Variants in CCDC178 observed in about 807,000 individuals in gnomAD.
The protein encoded by CCDC178 is coiled-coil domain containing 178.
Under a neutral mutation model 117.4 loss-of-function variants are expected in CCDC178, and 126 were observed. The ratio of observed to expected loss-of-function variants is 1.07; its 90% CI spans 0.93 to 1.24. The LOEUF is 1.24. Among genes scored for constraint, CCDC178 ranks in the 50% most tolerant of loss-of-function variants. CCDC178 has a pLI of 0.00. For synonymous variants in CCDC178, 283 were observed against 313.4 expected, an observed-to-expected ratio of 0.90 and a Z score of 1.02; for missense variants, 1,030 against 986.9, an observed-to-expected ratio of 1.04 and a Z score of -0.59.
At position 33,281,710 on chromosome 18, in the gene CCDC178, A is replaced by G. The variant is rs148254768; in HGVS notation, c.1176+11449T>C. Among the ~76,000 whole-genome samples, 15 of 152,346 alleles carry G rather than the reference A, an allele frequency of 9.8e-5. No individual in the cohort carries two copies. In the East Asian group the frequency reaches 2.5e-3, roughly 25 times the overall value. The stretch of plus-strand genomic sequence containing the variant: ...TTGGAAAATGTGAAAATACTGGCAA[A>G]TTATTTAAGCTTTGGCAGAATGCTA... On this transcript the variant is annotated intron_variant, in intron 12 of 22. Transcript: ENST00000383096.
chr18:33,183,981 C>T (rs1765750096), intron 20 of CCDC178, among the ~76,000 whole-genome samples: 1 of 152,028 alleles, frequency 6.6e-6, no homozygotes, highest in Non-Finnish European at 1.5e-5. Flanking sequence ...TGTTCTCTAT[C>T]TATGTTTACT....
intron 20 of CCDC178, among the ~76,000 whole-genome samples, chr18:33,179,157 T>C (rs1350723647): frequency 3.6e-5 from 4 of 111,952 alleles, no homozygotes; most frequent in Non-Finnish European, 7.2e-5. Context: ...TATATATATA[T>C]AAACTATATA....
chr18:33,341,659 G>C (rs2062818460), intron 9 of CCDC178, among the ~76,000 whole-genome samples: 1 of 152,058 alleles, frequency 6.6e-6, no homozygotes, highest in Non-Finnish European at 1.5e-5. Flanking sequence ...GGTTTATCAG[G>C]GGTTTTTCCA....
chr18:33,052,424 T>C (rs1414233824), intron 21 of CCDC178, among the ~76,000 whole-genome samples: 2 of 152,206 alleles, frequency 1.3e-5, no homozygotes, highest in African/African-American at 4.8e-5. Context: ...TTAAGTTATA[T>C]GATAACAATT....
At chr18:33,027,490 C>T (rs2056252510) in intron 21 of CCDC178, among the ~76,000 whole-genome samples, 1 of 151,256 alleles carries the variant, frequency 6.6e-6, no homozygotes, top group African/African-American at 2.4e-5. Flanking sequence ...CTGCCACATA[C>T]AAAAACAAAT....
At chr18:33,302,417 G>GGGAA (rs2062188699) in intron 11 of CCDC178, among the ~76,000 whole-genome samples, 2 of 152,188 alleles carry the variant, frequency 1.3e-5, no homozygotes, top group Admixed American at 1.3e-4. Flanking sequence ...CACTGCTGGT[G>GGGAA]GGAATGTAAA....
chr18:33,351,148 A>ATGTG (rs143702049), intron 7 of CCDC178, among the ~76,000 whole-genome samples: 49,645 of 137,676 alleles, frequency 0.36, 8,773 homozygotes, highest in East Asian at 0.45. Context: ...ACTGATCATG[A>ATGTG]TGTGTGTGTG....
At chr18:33,224,710 C>T in intron 17 of CCDC178, 65 bp downstream of exon 17, 1 of 1,040,860 alleles carries the variant, frequency 9.6e-7, no homozygotes, top group Middle Eastern at 3.1e-4. Context: ...AATGTAAAAT[C>T]ACATGCGTAA....
At chr18:33,013,151 A>ACT (rs2055907939) in intron 21 of CCDC178, among the ~76,000 whole-genome samples, 1 of 152,092 alleles carries the variant, frequency 6.6e-6, no homozygotes, top group Non-Finnish European at 1.5e-5. Context: ...GCTTAATTTT[A>ACT]CTCCCACCAA....
intron 2 of CCDC178, among the ~76,000 whole-genome samples, chr18:33,419,674 A>G (rs2063997319): frequency 6.6e-6 from 1 of 152,248 alleles, no homozygotes; most frequent in Admixed American, 6.5e-5. Context: ...GCCAACAGGT[A>G]TATCAAAAAA....
chr18:33,195,693 T>G (rs760451896), intron 20 of CCDC178, among the ~76,000 whole-genome samples: 41 of 152,216 alleles, frequency 2.7e-4, no homozygotes, highest in Non-Finnish European at 4.9e-4. Flanking sequence ...AAAAGTCAGG[T>G]ATCTGCTATT....
At chr18:33,312,098 G>C (rs2062351948) in intron 11 of CCDC178, among the ~76,000 whole-genome samples, 1 of 152,106 alleles carries the variant, frequency 6.6e-6, no homozygotes, top group Non-Finnish European at 1.5e-5. Flanking sequence ...ATTTGTACAA[G>C]ATTTTAAGGC....
chr18:33,000,199 A>T (rs1244090876), intron 21 of CCDC178, among the ~76,000 whole-genome samples: 1 of 152,072 alleles, frequency 6.6e-6, no homozygotes, highest in Non-Finnish European at 1.5e-5. Flanking sequence ...TGCAACTGAT[A>T]TACTAAAGAA....
intron 20 of CCDC178, among the ~76,000 whole-genome samples, chr18:33,143,813 C>T (rs1555650331): frequency 6.6e-6 from 1 of 152,042 alleles, no homozygotes; most frequent in Non-Finnish European, 1.5e-5. Flanking sequence ...TTCTTTCATT[C>T]CTTATATTCT....
In CCDC178 at chr18:32,979,837, G is replaced by A. The variant is rs912633998; in HGVS notation, c.2389-5156C>T. Among the ~76,000 whole-genome samples, 4 of 152,246 alleles carry A rather than the reference G, an allele frequency of 2.6e-5. No individual in the cohort carries two copies. In the East Asian group the frequency reaches 7.7e-4, roughly 29 times the overall value. Reference sequence around the variant, plus strand: ...ATATATAATTTATCTTAAAGCTGTAGGAATTAAGAGTAATATTAGGATCAT... The same window carrying A: ...ATATATAATTTATCTTAAAGCTGTAAGAATTAAGAGTAATATTAGGATCAT... On this transcript the variant is annotated intron_variant, in intron 21 of 22. Coordinates refer to ENST00000383096, the MANE Select transcript of CCDC178 (RefSeq NM_001105528.4).
chr18:33,381,851 T>C (rs2063442655), intron 5 of CCDC178, among the ~76,000 whole-genome samples: 4 of 152,204 alleles, frequency 2.6e-5, no homozygotes, highest in African/African-American at 9.6e-5. Context: ...ATTCTATTTT[T>C]TTTTTCAATT....
chr18:33,108,567 C>T (rs566159847), intron 20 of CCDC178, among the ~76,000 whole-genome samples: 2 of 151,496 alleles, frequency 1.3e-5, no homozygotes, highest in Non-Finnish European at 3.0e-5. Flanking sequence ...ACCATTATCC[C>T]TCCCTTAAAA....
intron 20 of CCDC178, among the ~76,000 whole-genome samples, chr18:33,152,931 A>C (rs897185552): frequency 6.6e-6 from 1 of 151,926 alleles, no homozygotes; most frequent in Admixed American, 6.6e-5. Context: ...AAAAATGAGC[A>C]ACAAGTCAGA....
chr18:33,118,789 T>C (rs2057894136), intron 20 of CCDC178, among the ~76,000 whole-genome samples: 3 of 152,144 alleles, frequency 2.0e-5, no homozygotes, highest in Admixed American at 2.0e-4. Flanking sequence ...GACTTCAAAC[T>C]ATACTACAAG....
Sources: allele counts gnomAD v4.1 joint callset (sites outside exome capture counted in the v4.1 genomes callset), GRCh38; gene constraint gnomAD v4.1.1; transcripts MANE v1.5; gene names NCBI Gene and HGNC (gene_info 2026-07-23, HGNC 2026-07-21).